SQOR: variants seen among roughly 807,000 people sequenced by gnomAD.
SQOR encodes the protein sulfide quinone oxidoreductase, also known as sulfide:quinone oxidoreductase, mitochondrial.
SQOR carries 39 observed loss-of-function variants against 48.6 expected under a neutral mutation model. The ratio of observed to expected loss-of-function variants is 0.80; its 90% confidence interval spans 0.62 to 1.05. The LOEUF (loss-of-function observed/expected upper bound fraction) is 1.05, where lower values mean the gene tolerates loss of function less well. SQOR is among the 50% of genes least tolerant of loss of function. The pLI is 0.00. For synonymous variants in SQOR, 220 were observed against 206.2 expected (o/e 1.07, Z -0.57); for missense variants, 561 against 559.9 (o/e 1.00, Z -0.02).
chr15:45,641,879 C>G (rs951803539), intron 1 of SQOR, among the ~76,000 whole-genome samples: 1 of 152,168 alleles, frequency 6.6e-6, no homozygotes, highest in Non-Finnish European at 1.5e-5. Flanking sequence ...TTCTTTATCC[C>G]CTATAGCTGA....
intron 2 of SQOR, 60 bp downstream of exon 2, chr15:45,659,217 T>G: frequency 7.9e-7 from 1 of 1,272,744 alleles, no homozygotes; most frequent in Non-Finnish European, 1.0e-6. Flanking sequence ...TGTGAGTGTG[T>G]GTGTGTGTGT....
chr15:45,659,328 G>A (rs1307628769), intron 2 of SQOR, among the ~76,000 whole-genome samples, 171 bp downstream of exon 2: 1 of 152,166 alleles, frequency 6.6e-6, no homozygotes, highest in East Asian at 1.9e-4. Context: ...GGACTGGGAG[G>A]AAGTGGAGGG....
chr15:45,646,235 CAG>C (rs1895203298), intron 1 of SQOR, among the ~76,000 whole-genome samples: 1 of 152,216 alleles, frequency 6.6e-6, no homozygotes, highest in Non-Finnish European at 1.5e-5. Context: ...CCTATCGCAG[CAG>C]AGAGGCCATC....
chr15:45,652,881 G>A (rs563091466), intron 1 of SQOR, among the ~76,000 whole-genome samples: 1 of 151,638 alleles, frequency 6.6e-6, no homozygotes, highest in South Asian at 2.1e-4. Flanking sequence ...CCGGAGACAG[G>A]AAAATTGCTT....
At chr15:45,675,336 C>G in intron 5 of SQOR, among the ~76,000 whole-genome samples, 1 of 151,914 alleles carries the variant, frequency 6.6e-6, no homozygotes, top group East Asian at 1.9e-4. Flanking sequence ...ATATTGGCCT[C>G]TCTGAACAAT....
rs142311233 is a variant in SQOR at position 45,635,513 on chromosome 15, T to C, written c.-18+405T>C. 6.4e-3 allele frequency among the ~76,000 whole-genome samples: 969 copies of C among 152,084 alleles called. 2 individuals are homozygous for C. The highest frequency in any genetic ancestry group is 0.022 in the African/African-American group (933 of 41,492). ...GTCCGGGGGCCAGGGATTGACACAG[T>C]CATCCACCGACACTGCGCGTGGGAC... On this transcript the variant is annotated intron_variant, in intron 1 of 9. Transcript: ENST00000260324.
intron 4 of SQOR, among the ~76,000 whole-genome samples, chr15:45,671,424 C>G (rs529171664): frequency 2.0e-5 from 3 of 152,282 alleles, no homozygotes; most frequent in African/African-American, 7.2e-5. Context: ...TCTCAAAGTG[C>G]TGGGATTACA....
At chr15:45,632,731 GGA>G (rs1595567214), upstream of SQOR, among the ~76,000 whole-genome samples, 1 of 152,004 alleles carries the variant, frequency 6.6e-6, no homozygotes, top group East Asian at 1.9e-4. Context: ...CATAAATTTG[GGA>G]GAGAGTCTAT....
At chr15:45,666,014 C>G (rs1889810077) in intron 3 of SQOR, among the ~76,000 whole-genome samples, 4 of 152,134 alleles carry the variant, frequency 2.6e-5, no homozygotes, top group Non-Finnish European at 1.5e-5. Context: ...AAACACATCT[C>G]AAGGCCCTGT....
At chr15:45,637,825 C>A (rs376586571) in intron 1 of SQOR, among the ~76,000 whole-genome samples, 1 of 152,218 alleles carries the variant, frequency 6.6e-6, no homozygotes, top group Non-Finnish European at 1.5e-5. Flanking sequence ...GGAGACGGAC[C>A]CATGACAAGG....
intron 3 of SQOR, among the ~76,000 whole-genome samples, chr15:45,669,178 A>ATT (rs145149961): frequency 0.082 from 12,007 of 147,242 alleles, 611 homozygotes; most frequent in East Asian, 0.26. Flanking sequence ...TTTTTTTTTA[A>ATT]TTTTTTTTTG....
At chr15:45,663,674 G>C (rs1440080968) in intron 3 of SQOR, among the ~76,000 whole-genome samples, 1 of 152,116 alleles carries the variant, frequency 6.6e-6, no homozygotes, top group Non-Finnish European at 1.5e-5. Flanking sequence ...GGCTAAGGTG[G>C]GAGGATCACT....
At chr15:45,668,245 G>T (rs1283508000) in intron 3 of SQOR, among the ~76,000 whole-genome samples, 1 of 152,100 alleles carries the variant, frequency 6.6e-6, no homozygotes, top group East Asian at 1.9e-4. Context: ...CACTGGCCAA[G>T]ACATCATCTT....
intron 3 of SQOR, among the ~76,000 whole-genome samples, chr15:45,665,317 A>G (rs1211196455): frequency 1.3e-5 from 2 of 152,342 alleles, no homozygotes; most frequent in Non-Finnish European, 1.5e-5. Context: ...ACGACTTCAT[A>G]GCCAGATATC....
At chr15:45,658,663 A>G (rs1366805323) in intron 1 of SQOR, among the ~76,000 whole-genome samples, 1 of 152,318 alleles carries the variant, frequency 6.6e-6, no homozygotes, top group South Asian at 2.1e-4. Flanking sequence ...ATTCAAACAA[A>G]GTCCTCGATA....
intron 1 of SQOR, among the ~76,000 whole-genome samples, chr15:45,640,071 A>G (rs1326979154): frequency 6.6e-6 from 1 of 152,248 alleles, no homozygotes; most frequent in Non-Finnish European, 1.5e-5. Context: ...TGCCTGTCAC[A>G]TATCAACACT....
In SQOR at chr15:45,673,618, A is replaced by G. The variant is rs137963040; in HGVS notation, c.471A>G (p.Leu157=). The change falls in exon 5 of 10, where the codon CTA becomes CTG. Residue 157 remains leucine (L), a synonymous_variant. Transcript: ENST00000260324. ...IQLDYEKIKG[L]PEGFAHPKIG... ...GTACTTTGTTGCAGATTAAAGGCCT[A>G]CCTGAAGGTTTCGCTCATCCCAAAA... 1.2e-6 allele frequency: 2 copies of G among 1,613,776 alleles called. No homozygotes were observed. Among genetic ancestry groups the G allele is most frequent in the East Asian group, 2.2e-5 (1 of 44,882 alleles).
intron 1 of SQOR, among the ~76,000 whole-genome samples, chr15:45,652,160 C>T (rs1013484218): frequency 6.6e-6 from 1 of 152,178 alleles, no homozygotes; most frequent in African/African-American, 2.4e-5. Context: ...AGGCGTGAGC[C>T]ACCACGTCCG....
intron 1 of SQOR, among the ~76,000 whole-genome samples, chr15:45,650,197 T>C (rs142710430): frequency 2.0e-5 from 3 of 152,180 alleles, no homozygotes; most frequent in Admixed American, 6.5e-5. Context: ...TAGAGTGCAA[T>C]GGCATGATCT....
Sources: gnomAD v4.1 joint callset for allele counts (sites outside exome capture counted in the v4.1 genomes callset) on GRCh38, gnomAD v4.1.1 for gene constraint, MANE v1.5 for transcripts, NCBI Gene and HGNC (gene_info 2026-07-23, HGNC 2026-07-21) for gene names.